Variants in PP2D1 observed in about 807,000 individuals in gnomAD.
PP2D1 encodes the protein protein phosphatase 2C-like domain-containing protein 1.
PP2D1 carries 25 observed loss-of-function variants against 30.2 expected under a neutral mutation model. The ratio of observed to expected loss-of-function variants is 0.83; its 90% CI spans 0.60 to 1.16. The LOEUF (loss-of-function observed/expected upper bound fraction) is 1.16, where lower values mean the gene tolerates loss of function less well. PP2D1 is among the 50% of genes most tolerant of loss of function. PP2D1 has a pLI of 0.00. For synonymous variants in PP2D1, 260 were observed against 258.9 expected, an observed-to-expected ratio of 1.00 and a Z score of -0.04; for missense variants, 760 against 742.4, an observed-to-expected ratio of 1.02 and a Z score of -0.28.
At chr3:19,996,370 A>G (rs1240164154) in intron 2 of PP2D1, among the ~76,000 whole-genome samples, 1 of 152,160 alleles carries the variant, frequency 6.6e-6, no homozygotes, top group Admixed American at 6.5e-5. Flanking sequence ...TTACAACCCT[A>G]CCAAGATTGG....
chr3:20,004,416 A>G (rs1288334583), intron 1 of PP2D1, among the ~76,000 whole-genome samples: 3 of 152,220 alleles, frequency 2.0e-5, no homozygotes, highest in Non-Finnish European at 4.4e-5. Context: ...TAAATGATGC[A>G]TGATTGTAAT....
At chr3:20,004,555 T>C (rs945978236) in intron 1 of PP2D1, among the ~76,000 whole-genome samples, 5 of 152,224 alleles carry the variant, frequency 3.3e-5, no homozygotes, top group Non-Finnish European at 7.3e-5. Flanking sequence ...GACAGAATTT[T>C]TTTAAAAACT....
intron 2 of PP2D1, among the ~76,000 whole-genome samples, chr3:19,986,941 G>A (rs2125137201): frequency 6.6e-6 from 1 of 151,896 alleles, no homozygotes; most frequent in Middle Eastern, 3.4e-3. Flanking sequence ...GGAGGCTGAG[G>A]CAGGAGAATT....
chr3:20,011,799 AAAAT>A (rs201099657), intron 1 of PP2D1, among the ~76,000 whole-genome samples: 27,919 of 151,548 alleles, frequency 0.18, 2,667 homozygotes, highest in Non-Finnish European at 0.21. Flanking sequence ...ACTCTGTCTC[AAAAT>A]AAATAAATAA....
chr3:20,001,606 C>A lies in PP2D1; in HGVS notation c.514G>T (p.Gly172Cys), dbSNP rs1697253813. The change falls in exon 2 of 3, where the codon GGC (glycine) becomes TGC (cysteine). Residue 172 changes from glycine (G) to cysteine (C), a missense_variant. By Grantham distance (159) the Gly-to-Cys change is radical. Around this residue, in one of 3 missense-constraint regions of PP2D1, gnomAD observed 374 missense variants for 388.8 expected, o/e 0.96. Coordinates refer to ENST00000389050, the MANE Select transcript of PP2D1 (RefSeq NM_001252657.2). ...KICHLLIKGVGICEDRNSTWK... is the reference protein window; with the variant it reads ...KICHLLIKGVCICEDRNSTWK... ...GTAGAATTCCTGTCTTCACAAATGC[C>A]CACTCCTTTAATTAACAGATGACAT... 6.5e-7 allele frequency: 1 copy of A among 1,536,286 alleles called. No homozygotes were observed. Among genetic ancestry groups the A allele is most frequent in the African/African-American group, 1.4e-5 (1 of 73,132 alleles).
At chr3:19,994,697 T>C (rs1469837107) in intron 2 of PP2D1, among the ~76,000 whole-genome samples, 1 of 152,236 alleles carries the variant, frequency 6.6e-6, no homozygotes, top group East Asian at 1.9e-4. Context: ...CTTTCATCTG[T>C]TTTGAAGAGA....
rs556024064 is a variant in PP2D1, at chr3:19,986,762, TGGTG to T, written c.1091-584_1091-581del. On this transcript the variant is annotated intron_variant, in intron 2 of 2. Coordinates refer to ENST00000389050, the MANE Select transcript of PP2D1 (RefSeq NM_001252657.2). ...AAAATTTAAGTCAATCCGCCAGGTG[TGGTG>T]GCTCAAGCCTTTAATCCCAGCACTT... is the stretch of plus-strand genomic sequence containing the variant. Among the ~76,000 whole-genome samples, 418 of 152,232 alleles carry T rather than the reference TGGTG, an allele frequency of 2.7e-3. 3 individuals are homozygous for T. The highest frequency in any genetic ancestry group is 6.9e-3 in the Admixed American group (106 of 15,270).
chr3:20,004,061 T>G (rs114579413), intron 1 of PP2D1, among the ~76,000 whole-genome samples: 4,021 of 152,298 alleles, frequency 0.026, 169 homozygotes, highest in African/African-American at 0.091. Flanking sequence ...GTGCTAGACC[T>G]TCACACTCAT....
intron 1 of PP2D1, among the ~76,000 whole-genome samples, chr3:20,003,690 G>A (rs1202784415): frequency 1.3e-5 from 2 of 152,028 alleles, no homozygotes; most frequent in East Asian, 3.9e-4. Flanking sequence ...GGCGGAGGCT[G>A]CAGTGAGCAG....
intron 2 of PP2D1, among the ~76,000 whole-genome samples, chr3:19,991,380 C>CG (rs1464167955): frequency 2.6e-5 from 4 of 152,118 alleles, no homozygotes; most frequent in African/African-American, 9.7e-5. Flanking sequence ...CAACATTTTT[C>CG]TCAGATAAAG....
Position 19,986,092 on chromosome 3 carries a change from ATTC to A in PP2D1, c.1178_1180del (p.Arg393del), listed in dbSNP as rs560913423. The A allele has an allele frequency of 2.8e-4, 427 of 1,535,762 alleles. 3 individuals are homozygous for A. The highest frequency in any genetic ancestry group is 1.3e-3 in the Admixed American group (66 of 50,966). ...ACTAATGACTGCTCCATTCTGAAGT[ATTC>A]TTCTTCTTTCATTTGTGTTTCGTGT... On this transcript the variant is annotated inframe_deletion, in exon 3 of 3. Coordinates refer to ENST00000389050, the MANE Select transcript of PP2D1 (RefSeq NM_001252657.2).
downstream of PP2D1, among the ~76,000 whole-genome samples, chr3:19,980,592 C>A (rs1195036383): frequency 1.3e-5 from 2 of 152,098 alleles, no homozygotes; most frequent in Non-Finnish European, 2.9e-5. Flanking sequence ...CTTAATCTCA[C>A]TCACCTCTGA....
chr3:19,980,445 A>ATTTTTTTTT (rs11441052), downstream of PP2D1, among the ~76,000 whole-genome samples: 3 of 148,104 alleles, frequency 2.0e-5, no homozygotes, highest in Admixed American at 6.7e-5. Context: ...AGGTTAGTAA[A>ATTTTTTTTT]TTTTTTTTTC....
intron 1 of PP2D1, chr3:20,008,015 TG>T (rs1697342236): frequency 5.2e-6 from 1 of 193,404 alleles, no homozygotes; most frequent in Admixed American, 5.2e-5. Flanking sequence ...TTGAAATGTG[TG>T]CCCTTCTTTC....
intron 2 of PP2D1, among the ~76,000 whole-genome samples, chr3:19,992,229 C>T (rs1269590347): frequency 2.0e-5 from 3 of 152,144 alleles, no homozygotes; most frequent in African/African-American, 7.2e-5. Flanking sequence ...TTGTTCATTG[C>T]TCACCATTGT....
At chr3:20,009,062 G>A (rs1294272575) in intron 1 of PP2D1, among the ~76,000 whole-genome samples, 1 of 152,226 alleles carries the variant, frequency 6.6e-6, no homozygotes, top group East Asian at 1.9e-4. Context: ...GGAGAGGATT[G>A]TTTTAACGAC....
At chr3:20,003,505 G>T (rs547627391) in intron 1 of PP2D1, among the ~76,000 whole-genome samples, 3 of 151,942 alleles carry the variant, frequency 2.0e-5, no homozygotes, top group Non-Finnish European at 2.9e-5. Context: ...CACTTTGGGA[G>T]GCCGAGGCGG....
At position 19,985,652 on chromosome 3, in the gene PP2D1, T is replaced by G. The variant is rs1272885733; in HGVS notation, c.1621A>C (p.Lys541Gln). ...TTCTCAGGGTTATAAATACAGTATT[T>G]AGAATAGTTTGAATCGGATAAATTT... ...KENLSDSNYS[K>Q]YCIYNPENVE... is the part of the protein sequence containing the mutation. Residue 541 changes from lysine to glutamine, a missense_variant, in exon 3 of 3, where the codon AAA becomes CAA. This residue lies in a region of PP2D1 where 369 missense variants were observed against 316.2 expected (regional missense o/e 1.17). Coordinates refer to ENST00000389050, the MANE Select transcript of PP2D1 (RefSeq NM_001252657.2). 2 of 1,535,936 alleles carry G rather than the reference T, an allele frequency of 1.3e-6. No individual in the cohort carries two copies. Among genetic ancestry groups the G allele is most frequent in the Admixed American group, 2.0e-5 (1 of 50,990 alleles).
chr3:19,997,106 T>C (rs2948111), intron 2 of PP2D1, among the ~76,000 whole-genome samples: 114,682 of 151,500 alleles, frequency 0.76, 44,063 homozygotes, highest in African/African-American at 0.8. Flanking sequence ...TATTTTTGTT[T>C]ACCCCAAACA....
Sources: gnomAD v4.1 joint callset for allele counts (sites outside exome capture counted in the v4.1 genomes callset) on GRCh38, gnomAD v4.1.1 for gene constraint, gnomAD v4.1.1 regional missense constraint, MANE v1.5 for transcripts, NCBI Gene and HGNC (gene_info 2026-07-23, HGNC 2026-07-21) for gene names.